The following LMO1 variants were observed in gnomAD, a reference collection of about 807,000 sequenced individuals.
LMO1 encodes LIM domain only 1.
A neutral mutation model predicts 18.0 loss-of-function variants in LMO1; 10 were observed. The ratio of observed to expected loss-of-function variants is 0.55; its 90% CI spans 0.34 to 0.94. The LOEUF (loss-of-function observed/expected upper bound fraction) is 0.94, where lower values mean the gene tolerates loss of function less well. LMO1 is among the 40% of genes least tolerant of loss of function. LMO1 has a pLI of 0.02. For synonymous variants in LMO1, 77 were observed against 77.9 expected (o/e 0.99, Z 0.06); for missense variants, 183 against 205.7 (o/e 0.89, Z 0.68).
chr11:8,227,434 C>T (rs141924418), intron 2 of LMO1, among the ~76,000 whole-genome samples: 1 of 152,208 alleles, frequency 6.6e-6, no homozygotes, highest in Admixed American at 6.5e-5. Context: ...CCTGAGCAAG[C>T]CTGAATTTCA....
At chr11:8,260,167 C>T (rs1414444032) in intron 1 of LMO1, among the ~76,000 whole-genome samples, 1 of 152,210 alleles carries the variant, frequency 6.6e-6, no homozygotes, top group Non-Finnish European at 1.5e-5. Context: ...CTGCTGTCTG[C>T]TCCTACTCAA....
chr11:8,243,564 G>C (rs1284273037), intron 1 of LMO1, among the ~76,000 whole-genome samples: 1 of 152,212 alleles, frequency 6.6e-6, no homozygotes, highest in Non-Finnish European at 1.5e-5. Flanking sequence ...GGGTGGGCCG[G>C]CTGCTGGGCA....
At chr11:8,226,338 TATAAAA>T (rs59196160) in intron 3 of LMO1, among the ~76,000 whole-genome samples, 72,385 of 150,474 alleles carry the variant, frequency 0.48, 18,296 homozygotes, top group South Asian at 0.73. Context: ...CTACTAAAAA[TATAAAA>T]ATAAAAATAA....
intron 1 of LMO1, among the ~76,000 whole-genome samples, chr11:8,233,186 G>A (rs1274343535): frequency 6.6e-6 from 1 of 152,146 alleles, no homozygotes; most frequent in Admixed American, 6.5e-5. Context: ...CTGCCAAAGT[G>A]TCCCATGTCC....
intron 1 of LMO1, among the ~76,000 whole-genome samples, chr11:8,242,600 A>G (rs976930654): frequency 7.2e-5 from 11 of 152,126 alleles, no homozygotes; most frequent in Admixed American, 6.5e-5. Context: ...GTGTTCCTTA[A>G]CGGGATGCCG....
upstream of LMO1, among the ~76,000 whole-genome samples, chr11:8,265,449 G>A (rs1847251355): frequency 6.6e-6 from 1 of 152,166 alleles, no homozygotes; most frequent in Admixed American, 6.6e-5. Context: ...GCTAGGCAGG[G>A]AAGTCAGGCT....
chr11:8,235,188 T>C (rs1952740929), intron 1 of LMO1, among the ~76,000 whole-genome samples: 1 of 152,236 alleles, frequency 6.6e-6, no homozygotes, highest in South Asian at 2.1e-4. Flanking sequence ...TCTTTTTCTT[T>C]TAACTTTTTG....
At chr11:8,243,895 C>T (rs1846841720) in intron 1 of LMO1, among the ~76,000 whole-genome samples, 1 of 152,244 alleles carries the variant, frequency 6.6e-6, no homozygotes, top group Non-Finnish European at 1.5e-5. Flanking sequence ...CCATTTGTGC[C>T]TCCCAGCCTA....
chr11:8,241,354 A>C (rs1344320792), intron 1 of LMO1, among the ~76,000 whole-genome samples: 2 of 152,260 alleles, frequency 1.3e-5, no homozygotes, highest in Admixed American at 1.3e-4. Context: ...TGGTACCCAC[A>C]GCCAATTCTT....
chr11:8,263,450 C>G lies in LMO1; in HGVS notation c.-88G>C, dbSNP rs1406438406. ...GCGCTTTGGAGGGGCGGCCGGTCTT[C>G]GGGCAGCTAGCGGGCTCTAATTACC... is the stretch of plus-strand genomic sequence containing the variant. On this transcript the variant is annotated 5_prime_UTR_variant, in exon 1 of 4. Transcript: ENST00000335790. 5 of 1,562,504 alleles carry G rather than the reference C, an allele frequency of 3.2e-6. 1 individual carries two copies. In the South Asian group the frequency reaches 5.8e-5, roughly 18 times the overall value.
At chr11:8,250,370 TC>T (rs1846968615) in intron 1 of LMO1, among the ~76,000 whole-genome samples, 1 of 152,256 alleles carries the variant, frequency 6.6e-6, no homozygotes, top group African/African-American at 2.4e-5. Flanking sequence ...TCTTCCTGGA[TC>T]TTTTTTTTGA....
At chr11:8,268,744 C>T (rs1231769074), upstream of LMO1, 1 of 209,782 alleles carries the variant, frequency 4.8e-6, no homozygotes, top group Non-Finnish European at 9.5e-6. Context: ...CTGAGCCGCG[C>T]GCGCGTCCTT....
chr11:8,235,394 T>C (rs1039555342), intron 1 of LMO1, among the ~76,000 whole-genome samples: 1 of 152,364 alleles, frequency 6.6e-6, no homozygotes, highest in Middle Eastern at 3.4e-3. Context: ...ACAGGAAGCC[T>C]CTATACCCCC....
At chr11:8,243,493 T>C (rs555397190) in intron 1 of LMO1, among the ~76,000 whole-genome samples, 8 of 152,042 alleles carry the variant, frequency 5.3e-5, no homozygotes, top group Non-Finnish European at 1.2e-4. Flanking sequence ...CCCTGTGAAG[T>C]GAGAGTGGTC....
intron 1 of LMO1, among the ~76,000 whole-genome samples, chr11:8,261,702 A>G (rs994613693): frequency 2.0e-5 from 3 of 152,104 alleles, no homozygotes; most frequent in African/African-American, 7.2e-5. Flanking sequence ...ACCAAGAGGG[A>G]AGGTGAACAT....
chr11:8,230,151 G>A (rs1011924424), intron 2 of LMO1, 140 bp downstream of exon 2: 1 of 746,326 alleles, frequency 1.3e-6, no homozygotes, highest in East Asian at 2.6e-5. Flanking sequence ...GGGGCAAGCA[G>A]GGCAGGGGCA....
chr11:8,263,952 T>A (rs1011109335), upstream of LMO1: 4 of 871,520 alleles, frequency 4.6e-6, no homozygotes, highest in Non-Finnish European at 5.6e-6. Context: ...TAATGGGGAG[T>A]GGAGACGCAC....
At chr11:8,263,110 GGCCCCGGGCGCGTGCA>G (rs1478619946) in intron 1 of LMO1, among the ~76,000 whole-genome samples, 1 of 151,398 alleles carries the variant, frequency 6.6e-6, no homozygotes, top group Non-Finnish European at 1.5e-5. Flanking sequence ...GGGGGCGTGC[GGCCCCGGGCGCGTGCA>G]GCCCGGGGCT....
chr11:8,239,193 A>G (rs558825234), intron 1 of LMO1, among the ~76,000 whole-genome samples: 3 of 152,308 alleles, frequency 2.0e-5, no homozygotes, highest in Admixed American at 1.3e-4. Context: ...GCTTCCCTGC[A>G]CAGCCTGGAT....
Sources: allele counts gnomAD v4.1 joint callset (sites outside exome capture counted in the v4.1 genomes callset), GRCh38; gene constraint gnomAD v4.1.1; transcripts MANE v1.5; gene names NCBI Gene and HGNC (gene_info 2026-07-23, HGNC 2026-07-21).